GTF2F2: variants seen among roughly 807,000 people sequenced by gnomAD.
GTF2F2 encodes the protein ATP-dependent helicase GTF2F2.
GTF2F2 carries 23 observed loss-of-function variants against 42.2 expected under a neutral mutation model. The ratio of observed to expected loss-of-function variants is 0.55; its 90% CI spans 0.39 to 0.77. GTF2F2 has a LOEUF of 0.77. GTF2F2 is among the 30% of genes least tolerant of loss of function. The pLI is 0.00. For synonymous variants in GTF2F2, 105 were observed against 100.8 expected (o/e 1.04, Z -0.25); for missense variants, 261 against 287.2 (o/e 0.91, Z 0.66).
chr13:45,193,698 C>T (rs1872746334), intron 4 of GTF2F2: 1 of 1,200,422 alleles, frequency 8.3e-7, no homozygotes. Context: ...ACAGAGCTAG[C>T]TGGGCATGTT....
intron 5 of GTF2F2, among the ~76,000 whole-genome samples, chr13:45,208,009 T>G (rs1169255025): frequency 6.6e-6 from 1 of 151,708 alleles, no homozygotes; most frequent in East Asian, 1.9e-4. Flanking sequence ...GATAGAAAAA[T>G]TAGCTGGGCG....
intron 5 of GTF2F2, among the ~76,000 whole-genome samples, chr13:45,239,157 C>A (rs1875153624): frequency 1.3e-5 from 2 of 152,122 alleles, no homozygotes; most frequent in East Asian, 1.9e-4. Flanking sequence ...TGCTTGCTTG[C>A]AACCAGAGTG....
At chr13:45,155,323 A>C (rs988716316) in intron 4 of GTF2F2, among the ~76,000 whole-genome samples, 4 of 152,232 alleles carry the variant, frequency 2.6e-5, no homozygotes, top group African/African-American at 9.6e-5. Context: ...TTTTCTATCA[A>C]GTATAGAACT....
At chr13:45,138,045 G>A (rs1033060179) in intron 2 of GTF2F2, among the ~76,000 whole-genome samples, 1 of 152,046 alleles carries the variant, frequency 6.6e-6, no homozygotes, top group Non-Finnish European at 1.5e-5. Flanking sequence ...GAACTTCGGT[G>A]GAATTTGACA....
chr13:45,223,218 C>T (rs1874188008), intron 5 of GTF2F2, among the ~76,000 whole-genome samples: 1 of 144,570 alleles, frequency 6.9e-6, no homozygotes, highest in Non-Finnish European at 1.5e-5. Flanking sequence ...TGAGATGATG[C>T]CACTGCCCTC....
chr13:45,208,552 C>T (rs766156584), intron 5 of GTF2F2, among the ~76,000 whole-genome samples: 1 of 152,140 alleles, frequency 6.6e-6, no homozygotes, highest in Non-Finnish European at 1.5e-5. Flanking sequence ...CGTGGACCTT[C>T]CATTGTCGCA....
chr13:45,220,014 G>A (rs1291531041), intron 5 of GTF2F2, among the ~76,000 whole-genome samples: 4 of 152,142 alleles, frequency 2.6e-5, no homozygotes, highest in Non-Finnish European at 5.9e-5. Context: ...AGTAGAACGC[G>A]GCTCCATTAG....
rs17066571 is a variant in GTF2F2 at position 45,266,462 on chromosome 13, T to C, written c.487-771T>C. Among the ~76,000 whole-genome samples, 997 of 152,242 alleles carry C rather than the reference T, an allele frequency of 6.5e-3. 12 individuals are homozygous for C. Among genetic ancestry groups the C allele is most frequent in the African/African-American group, 0.023 (949 of 41,532 alleles). On this transcript the variant is annotated intron_variant, in intron 6 of 7. Coordinates refer to ENST00000340473, the MANE Select transcript of GTF2F2 (RefSeq NM_004128.3). ...CCTTTTTACCAATGCTTCCCAAACTTTTCACTCCGTAAAGAACCCGTTTTA... is the reference window on the plus strand; with the variant it reads ...CCTTTTTACCAATGCTTCCCAAACTCTTCACTCCGTAAAGAACCCGTTTTA...
At chr13:45,226,270 A>G (rs9595269) in intron 5 of GTF2F2, among the ~76,000 whole-genome samples, 15,890 of 152,182 alleles carry the variant, frequency 0.1, 2,227 homozygotes, top group African/African-American at 0.32. Flanking sequence ...CTATAGCTCT[A>G]AACTTACGCT....
intron 6 of GTF2F2, among the ~76,000 whole-genome samples, chr13:45,258,355 T>C (rs1197321300): frequency 2.7e-5 from 4 of 150,652 alleles, no homozygotes; most frequent in African/African-American, 9.8e-5. Flanking sequence ...GAGGTGCTCC[T>C]GCAATACAAA....
chr13:45,177,838 G>A (rs1456185401), intron 4 of GTF2F2, among the ~76,000 whole-genome samples: 2 of 152,082 alleles, frequency 1.3e-5, no homozygotes, highest in African/African-American at 4.8e-5. Flanking sequence ...GCTTTTCTGT[G>A]GAGTATTCTA....
At chr13:45,222,932 G>A (rs181421469) in intron 5 of GTF2F2, among the ~76,000 whole-genome samples, 1 of 152,340 alleles carries the variant, frequency 6.6e-6, no homozygotes, top group East Asian at 1.9e-4. Flanking sequence ...AAAGCAAGAG[G>A]ATTGCTTGAG....
At chr13:45,263,373 C>T (rs528633978) in intron 6 of GTF2F2, among the ~76,000 whole-genome samples, 5 of 152,102 alleles carry the variant, frequency 3.3e-5, no homozygotes, top group East Asian at 1.9e-4. Context: ...AGACTTCAGG[C>T]GCCCGCCACC....
At chr13:45,278,369 G>A (rs1877116562) in intron 7 of GTF2F2, among the ~76,000 whole-genome samples, 1 of 152,140 alleles carries the variant, frequency 6.6e-6, no homozygotes, top group Non-Finnish European at 1.5e-5. Context: ...AAGCTGTGAT[G>A]TTCTATCCCT....
chr13:45,207,515 T>G lies in GTF2F2; in HGVS notation c.386+10T>G. 3 of 1,551,652 alleles carry G rather than the reference T, an allele frequency of 1.9e-6. No homozygotes were observed. Among genetic ancestry groups the G allele is most frequent in the Non-Finnish European group, 2.7e-6 (3 of 1,123,104 alleles). ...ACATGCGATTAAAAAGGTTGGTGTTTTGTAACTCCAGAATGATACCTGATA... is the reference window on the plus strand; with the variant it reads ...ACATGCGATTAAAAAGGTTGGTGTTGTGTAACTCCAGAATGATACCTGATA... On this transcript the variant is annotated intron_variant, in intron 5 of 7. Coordinates refer to ENST00000340473, the MANE Select transcript of GTF2F2 (RefSeq NM_004128.3).
intron 2 of GTF2F2, among the ~76,000 whole-genome samples, chr13:45,137,024 A>T (rs1869663985): frequency 1.3e-5 from 2 of 152,200 alleles, no homozygotes; most frequent in Admixed American, 1.3e-4. Context: ...GACTGGTGGT[A>T]TAAATATAAT....
chr13:45,156,359 G>A (rs1192374333), intron 4 of GTF2F2, among the ~76,000 whole-genome samples: 1 of 152,186 alleles, frequency 6.6e-6, no homozygotes, highest in Non-Finnish European at 1.5e-5. Context: ...ATATGAATAG[G>A]ATGAAAGATA....
rs920582891 is a variant in GTF2F2 at position 45,284,675 on chromosome 13, G to GA, written c.*1121dup. 1 of 150,868 alleles carries GA rather than the reference G, an allele frequency of 6.6e-6. No individual in the cohort carries two copies. Among genetic ancestry groups the GA allele is most frequent in the African/African-American group, 2.4e-5 (1 of 41,100 alleles). 9.3% of individuals were successfully genotyped at this position (150,868 alleles called of 1,614,324 possible). A position where few individuals can be genotyped will look rare whatever the true frequency, so the allele number is the denominator to read the frequency against. Reference sequence around the variant, plus strand: ...GCCCAAGTTGCCATAGTGTTTGCAGGAAAAAAAGAGAAAAAATAATAAAAA... The same window carrying GA: ...GCCCAAGTTGCCATAGTGTTTGCAGGAAAAAAAAGAGAAAAAATAATAAAAA... On this transcript the variant is annotated 3_prime_UTR_variant, in exon 8 of 8. Coordinates refer to ENST00000340473, the MANE Select transcript of GTF2F2 (RefSeq NM_004128.3).
chr13:45,186,128 C>G (rs1352516697), intron 4 of GTF2F2, among the ~76,000 whole-genome samples: 1 of 151,838 alleles, frequency 6.6e-6, no homozygotes, highest in African/African-American at 2.4e-5. Context: ...GCATGCGCCA[C>G]CATGCCCAGC....
Sources: gnomAD v4.1 joint callset for allele counts (sites outside exome capture counted in the v4.1 genomes callset) on GRCh38, gnomAD v4.1.1 for gene constraint, MANE v1.5 for transcripts, NCBI Gene and HGNC (gene_info 2026-07-23, HGNC 2026-07-21) for gene names.